The following WNT2B variants were observed in gnomAD, a reference collection of about 807,000 sequenced individuals.
WNT2B encodes the protein Wnt family member 2B.
WNT2B carries 19 observed loss-of-function variants against 40.5 expected under a neutral mutation model. The observed-to-expected ratio is 0.47, with a 90% CI of 0.33 to 0.69. WNT2B has a LOEUF of 0.69. WNT2B is among the 30% of genes least tolerant of loss of function. The pLI is 0.02. For synonymous variants in WNT2B, 220 were observed against 211.9 expected, an observed-to-expected ratio of 1.04 and a Z score of -0.33; for missense variants, 467 against 556.4, an observed-to-expected ratio of 0.84 and a Z score of 1.62.
intron 1 of WNT2B, among the ~76,000 whole-genome samples, chr1:112,471,360 G>A (rs771297034): frequency 2.0e-5 from 3 of 152,272 alleles, no homozygotes; most frequent in Non-Finnish European, 4.4e-5. Flanking sequence ...GATTCTCACC[G>A]CCAACCTTGG....
intron 1 of WNT2B, among the ~76,000 whole-genome samples, chr1:112,490,463 T>C (rs145318967): frequency 3.0e-4 from 45 of 151,942 alleles, no homozygotes; most frequent in African/African-American, 6.8e-4. Context: ...AAGAGAACAA[T>C]AAATTACTTT....
intron 1 of WNT2B, among the ~76,000 whole-genome samples, chr1:112,479,546 C>A (rs1428688127): frequency 6.6e-6 from 1 of 151,938 alleles, no homozygotes; most frequent in Non-Finnish European, 1.5e-5. Context: ...TGCACTCCAG[C>A]CTGGGAGACA....
At chr1:112,468,509 A>G (rs1168392997) in intron 1 of WNT2B, among the ~76,000 whole-genome samples, 1 of 151,914 alleles carries the variant, frequency 6.6e-6, no homozygotes, top group Non-Finnish European at 1.5e-5. Flanking sequence ...GGGTAAGACG[A>G]TATCTCATTT....
chr1:112,524,293 C>T lies in WNT2B; in HGVS notation c.*3784C>T, dbSNP rs899899099. ...TCTTTCTGAGGTTTTTATTTAAATG[C>T]ACTCAGTGGTCATAGGGCAGAAGCT... is the stretch of plus-strand genomic sequence containing the variant. On this transcript the variant is annotated 3_prime_UTR_variant, in exon 5 of 5. Coordinates refer to ENST00000369684, the MANE Select transcript of WNT2B (RefSeq NM_024494.3). 6.6e-6 allele frequency: 1 copy of T among 152,438 alleles called. No individual in the cohort carries two copies. Among genetic ancestry groups the T allele is most frequent in the Non-Finnish European group, 1.5e-5 (1 of 68,024 alleles). 9.4% of individuals were successfully genotyped at this position (152,438 alleles called of 1,614,324 possible).
At position 112,526,461 on chromosome 1, in the gene WNT2B, C is replaced by T. The variant is rs1028280839; in HGVS notation, c.*5952C>T. On this transcript the variant is annotated 3_prime_UTR_variant, in exon 5 of 5. Transcript: ENST00000369684. ...GGCTTTGAAAATATGTATCAGAGGC[C>T]GGGTGCAGTGGCTCATGCCTGTAAT... The T allele has an allele frequency of 2.6e-4, 45 of 174,848 alleles. No individual in the cohort carries two copies. The highest frequency in any genetic ancestry group is 8.2e-4 in the African/African-American group (35 of 42,510). The allele number at this position is 174,848 out of a possible 1,614,324, so 10.8% of individuals were successfully genotyped here.
upstream of WNT2B, among the ~76,000 whole-genome samples, chr1:112,507,435 A>C (rs148177373): frequency 5.6e-3 from 849 of 152,296 alleles, 8 homozygotes; most frequent in African/African-American, 0.02. Flanking sequence ...AGTGGGGGTA[A>C]AGGAGTGTCA....
At chr1:112,519,872 C>CTTCTT (rs10634267) in intron 4 of WNT2B, among the ~76,000 whole-genome samples, 33 of 115,650 alleles carry the variant, frequency 2.9e-4, no homozygotes, top group African/African-American at 6.0e-4. Flanking sequence ...GCCCATGCTT[C>CTTCTT]TTTTTTTTTT....
At chr1:112,503,528 C>T (rs1029796573) in intron 1 of WNT2B, among the ~76,000 whole-genome samples, 5 of 152,084 alleles carry the variant, frequency 3.3e-5, no homozygotes, top group Non-Finnish European at 2.9e-5. Context: ...AATAGAGGTG[C>T]GCACACACCC....
At chr1:112,513,967 C>G (rs912412332) in intron 1 of WNT2B, among the ~76,000 whole-genome samples, 10 of 152,238 alleles carry the variant, frequency 6.6e-5, no homozygotes, top group African/African-American at 2.2e-4. Context: ...CTTCCTGAGG[C>G]TTGTGGTGGG....
chr1:112,504,843 A>G (rs530280279), upstream of WNT2B, among the ~76,000 whole-genome samples: 117 of 152,062 alleles, frequency 7.7e-4, no homozygotes, highest in African/African-American at 2.7e-3. Context: ...ACCCACCGGG[A>G]AAAAGAGAAG....
chr1:112,488,244 G>A (rs1281351729), intron 1 of WNT2B, among the ~76,000 whole-genome samples: 1 of 152,040 alleles, frequency 6.6e-6, no homozygotes, highest in African/African-American at 2.4e-5. Flanking sequence ...TTTGCAGTTA[G>A]CCGAGATCGC....
Position 112,479,444 on chromosome 1 carries a change from G to A in WNT2B, c.-95+11853G>A, listed in dbSNP as rs369683999. Among the ~76,000 whole-genome samples, 110 of 148,280 alleles carry A rather than the reference G, an allele frequency of 7.4e-4. No homozygotes were observed. The East Asian group carries it at 0.01, about 14-fold the overall frequency. ...CAAAAATTAGCCGGTTGTGGTGGCA[G>A]GCACCTGTAATCCCAGCTACTTGGG... On this transcript the variant is annotated intron_variant, in intron 1 of 4. Coordinates refer to the WNT2B transcript ENST00000256640.
intron 1 of WNT2B, among the ~76,000 whole-genome samples, chr1:112,496,792 G>A (rs1416170667): frequency 2.6e-5 from 4 of 151,990 alleles, no homozygotes; most frequent in Non-Finnish European, 4.4e-5. Context: ...TAGAGACAGG[G>A]TTTCTCCATG....
At chr1:112,489,588 A>G (rs1159269827) in intron 1 of WNT2B, among the ~76,000 whole-genome samples, 5 of 152,006 alleles carry the variant, frequency 3.3e-5, no homozygotes. Context: ...AAAAAACCCA[A>G]AGAGGTCTAA....
At position 112,470,395 on chromosome 1, in the gene WNT2B, C is replaced by A. The variant is rs184855468; in HGVS notation, c.-95+2804C>A. Among the ~76,000 whole-genome samples, 165 of 152,152 alleles carry A rather than the reference C, an allele frequency of 1.1e-3. 1 individual carries two copies. Among genetic ancestry groups the A allele is most frequent in the Admixed American group, 4.6e-3 (70 of 15,284 alleles). The stretch of plus-strand genomic sequence containing the variant: ...CCTGAGGACGGGAGTTTGAGACCAG[C>A]CTGGCCAATATGGTGAAAGCCCATT... On this transcript the variant is annotated intron_variant, in intron 1 of 4. Transcript: ENST00000256640.
rs1159877308 is a variant in WNT2B at position 112,517,130 on chromosome 1, C to A, written c.691C>A (p.Arg231=). 1 of 1,610,816 alleles carries A rather than the reference C, an allele frequency of 6.2e-7. No homozygotes were observed. The highest frequency in any genetic ancestry group is 8.5e-7 in the Non-Finnish European group (1 of 1,177,464). ...NNRCGRTAVR[R]FLKLECKCHG... ...CTTCCCCCTCCCCCAGGCTGTGCGG[C>A]GGTTTCTGAAGCTGGAGTGTAAGTG... Residue 231 remains arginine (R), a synonymous_variant, in exon 4 of 5, where the codon CGG becomes AGG. Transcript: ENST00000369684.
intron 1 of WNT2B, among the ~76,000 whole-genome samples, chr1:112,501,554 T>C (rs771042615): frequency 2.0e-5 from 3 of 152,228 alleles, no homozygotes; most frequent in African/African-American, 4.8e-5. Flanking sequence ...CATGGGTATT[T>C]AATTTTATGC....
In WNT2B at chr1:112,515,262, C is replaced by T. The variant is rs1476385060; in HGVS notation, c.403+168C>T. Among the ~76,000 whole-genome samples the T allele has an allele frequency of 1.3e-5, 2 of 152,206 alleles. No homozygotes were observed. Among genetic ancestry groups the T allele is most frequent in the African/African-American group, 4.8e-5 (2 of 41,440 alleles). On this transcript the variant is annotated intron_variant, in intron 2 of 4. Coordinates refer to ENST00000369684, the MANE Select transcript of WNT2B (RefSeq NM_024494.3). This position sits in a 1 kb window ranked among gnomAD's most constrained non-coding sequence, Gnocchi z 4.4. ...ATAATTGGGAACAGACTCTTAGCAT[C>T]TTAGATTTGTAGACAGGGGCTCCTC...
At chr1:112,493,864 T>C (rs1158025297) in intron 1 of WNT2B, among the ~76,000 whole-genome samples, 2 of 148,618 alleles carry the variant, frequency 1.3e-5, no homozygotes, top group East Asian at 3.9e-4. Context: ...GCAGATTAAA[T>C]GACAAAAACG....
Sources: allele counts gnomAD v4.1 joint callset (sites outside exome capture counted in the v4.1 genomes callset), GRCh38; gene constraint gnomAD v4.1.1; non-coding constraint Gnocchi (gnomAD v3.1); transcripts MANE v1.5; gene names NCBI Gene and HGNC (gene_info 2026-07-23, HGNC 2026-07-21).